The following PODXL2 variants were observed in gnomAD, a reference collection of about 807,000 sequenced individuals.
PODXL2 encodes podocalyxin like 2.
PODXL2 carries 17 observed loss-of-function variants against 53.4 expected under a neutral mutation model. The ratio of observed to expected loss-of-function variants is 0.32; its 90% CI spans 0.22 to 0.48. The LOEUF (loss-of-function observed/expected upper bound fraction) is 0.48. Ranked by LOEUF, PODXL2 falls within the 20% of genes least tolerant of loss-of-function variation. The pLI is 0.99. For synonymous variants in PODXL2, 311 were observed against 306.7 expected (o/e 1.01, Z -0.15); for missense variants, 673 against 760.0 (o/e 0.89, Z 1.35).
chr3:127,656,486 C>T lies in PODXL2; in HGVS notation c.350-3892C>T, dbSNP rs140410892. Among the ~76,000 whole-genome samples the T allele has an allele frequency of 3.0e-3, 450 of 151,064 alleles. 3 individuals are homozygous for T. The highest frequency in any genetic ancestry group is 0.01 in the African/African-American group (414 of 41,116). On this transcript the variant is annotated intron_variant, in intron 2 of 7. Transcript: ENST00000342480. ...GCGCGGTGGTTCACGCCTGTAATCCCAGCACTCTGGGAGGCTTTGGTGGGT... is the reference window on the plus strand; with the variant it reads ...GCGCGGTGGTTCACGCCTGTAATCCTAGCACTCTGGGAGGCTTTGGTGGGT...
chr3:127,664,440 T>G (rs2107544296), intron 4 of PODXL2, among the ~76,000 whole-genome samples: 1 of 152,314 alleles, frequency 6.6e-6, no homozygotes, highest in Middle Eastern at 3.4e-3. Context: ...TTTTGGCTAT[T>G]GTGAATAGTG....
rs747976795 is a variant in PODXL2 at position 127,671,593 on chromosome 3, C to A, written c.1585C>A (p.Leu529Met). The A allele has an allele frequency of 6.2e-7, 1 of 1,613,682 alleles. No homozygotes were observed. Among genetic ancestry groups the A allele is most frequent in the Admixed American group, 1.7e-5 (1 of 60,034 alleles). ...GLLYNCWQRR[L>M]PKLKHVSHGE... ...GCTCTACAACTGCTGGCAGCGCCGG[C>A]TGCCCAAGCTCAAGCACGTGGTGAG... The change falls in exon 7 of 8, where the codon CTG becomes ATG. Residue 529 changes from leucine (L) to methionine (M), a missense_variant. By Grantham distance (15) the Leu-to-Met change is conservative (BLOSUM62 2). Around this residue, in one of 3 missense-constraint regions of PODXL2, gnomAD observed 588 missense variants for 668.3 expected, o/e 0.88. Transcript: ENST00000342480.
intron 1 of PODXL2, among the ~76,000 whole-genome samples, chr3:127,635,078 CT>C (rs1489041949): frequency 1.6e-4 from 25 of 152,344 alleles, no homozygotes; most frequent in Non-Finnish European, 2.5e-4. Flanking sequence ...ATGTGCCCCC[CT>C]GAGTGGCATG....
In PODXL2 at chr3:127,660,509, A is replaced by G. The variant is rs754101696; in HGVS notation, c.481A>G (p.Arg161Gly). 1 of 1,613,794 alleles carries G rather than the reference A, an allele frequency of 6.2e-7. No individual in the cohort carries two copies. The highest frequency in any genetic ancestry group is 1.7e-5 in the Admixed American group (1 of 60,004). ...TGAGCCTCCCTGGCATATGCCTCCC[A>G]GAGAGGAGGAAGAAGAGGAAGAGGA... ...LVEPPWHMPP[R>G]EEEEEEEEEE... Residue 161 changes from arginine (R) to glycine (G), a missense_variant, in exon 3 of 8, where the codon AGA becomes GGA. Around this residue, in one of 3 missense-constraint regions of PODXL2, gnomAD observed 588 missense variants for 668.3 expected, o/e 0.88. Coordinates refer to ENST00000342480, the MANE Select transcript of PODXL2 (RefSeq NM_015720.4).
chr3:127,649,092 C>T (rs565270565), intron 2 of PODXL2, among the ~76,000 whole-genome samples: 1 of 151,732 alleles, frequency 6.6e-6, no homozygotes, highest in South Asian at 2.1e-4. Flanking sequence ...GCACCCAGCT[C>T]TTTCCAGACT....
chr3:127,654,834 C>T (rs1576431731), intron 2 of PODXL2, among the ~76,000 whole-genome samples: 1 of 152,298 alleles, frequency 6.6e-6, no homozygotes, highest in Admixed American at 6.5e-5. Context: ...CGCCTATAAT[C>T]CCAGCACTTT....
Position 127,669,126 on chromosome 3 carries a change from T to G in PODXL2, c.1364-15T>G. The G allele has an allele frequency of 6.3e-7, 1 of 1,590,492 alleles. No homozygotes were observed. The highest frequency in any genetic ancestry group is 8.6e-7 in the Non-Finnish European group (1 of 1,166,442). ...AGCCATGGTCACACTGATAGTGGTG[T>G]TTCTTACCCCCCAGGGGTGGTGCCC... On this transcript the variant is annotated splice_polypyrimidine_tract_variant and intron_variant, in intron 5 of 7. Coordinates refer to ENST00000342480, the MANE Select transcript of PODXL2 (RefSeq NM_015720.4).
intron 2 of PODXL2, among the ~76,000 whole-genome samples, chr3:127,648,901 T>C (rs1576429863): frequency 6.7e-6 from 1 of 148,920 alleles, no homozygotes; most frequent in Non-Finnish European, 1.5e-5. Context: ...CAAGCAATTC[T>C]CCTGCCTCAG....
intron 2 of PODXL2, among the ~76,000 whole-genome samples, chr3:127,642,688 T>G (rs940172042): frequency 1.3e-5 from 2 of 152,336 alleles, no homozygotes; most frequent in Admixed American, 6.5e-5. Flanking sequence ...AACTCATATA[T>G]GTACAAAACA....
intron 2 of PODXL2, among the ~76,000 whole-genome samples, chr3:127,649,769 T>C (rs1231530452): frequency 6.6e-6 from 1 of 152,176 alleles, no homozygotes; most frequent in Non-Finnish European, 1.5e-5. Flanking sequence ...AAACCCCGTC[T>C]CTACTAAAAA....
intron 4 of PODXL2, among the ~76,000 whole-genome samples, chr3:127,667,014 G>A (rs1332511143): frequency 6.6e-6 from 1 of 152,236 alleles, no homozygotes; most frequent in Non-Finnish European, 1.5e-5. Flanking sequence ...GGGCGGGCAT[G>A]CACTCCTTCT....
At position 127,660,976 on chromosome 3, in the gene PODXL2, T is replaced by C; in HGVS notation, c.948T>C (p.Ser316=). The part of the protein sequence containing the change: ...LPSFPQTTAP[S]GAEHPDEDPL... ...CATTCCCTCAAACCACAGCTCCCAG[T>C]GGGGCCGAGCACCCAGATGAAGATC... Residue 316 remains serine (S), a synonymous_variant, in exon 3 of 8, where the codon AGT becomes AGC. Transcript: ENST00000342480. 1.9e-6 allele frequency: 3 copies of C among 1,614,194 alleles called. No homozygotes were observed. In the African/African-American group the frequency reaches 4.0e-5, roughly 22 times the overall value.
chr3:127,672,534 C>A lies in PODXL2; in HGVS notation c.*54C>A. The A allele has an allele frequency of 8.3e-7, 1 of 1,202,074 alleles. No homozygotes were observed. The highest frequency in any genetic ancestry group is 1.1e-6 in the Non-Finnish European group (1 of 897,380). The allele number at this position is 1,202,074 out of a possible 1,614,324, so 74.5% of individuals were successfully genotyped here. A position where few individuals can be genotyped will look rare whatever the true frequency, so the allele number is the denominator to read the frequency against. On this transcript the variant is annotated 3_prime_UTR_variant, in exon 8 of 8. Coordinates refer to ENST00000342480, the MANE Select transcript of PODXL2 (RefSeq NM_015720.4). ...CGCCAGGACCAAGCGAGGTGGACCC[C>A]GAAACGGACGGCCCGGAGCCCGCAC...
In PODXL2 at chr3:127,660,891, A is replaced by G. The variant is rs1176619468; in HGVS notation, c.863A>G (p.Glu288Gly). The G allele has an allele frequency of 6.2e-7, 1 of 1,614,116 alleles. No homozygotes were observed. Among genetic ancestry groups the G allele is most frequent in the African/African-American group, 1.3e-5 (1 of 74,940 alleles). The change falls in exon 3 of 8, where the codon GAA becomes GGA. Residue 288 changes from glutamate (E) to glycine (G), a missense_variant. Glu to Gly is a moderately conservative substitution (Grantham distance 98). Around this residue, in one of 3 missense-constraint regions of PODXL2, gnomAD observed 588 missense variants for 668.3 expected, o/e 0.88. Transcript: ENST00000342480. ...GAGGCTCCTCAGGAAGCAAGCGAGGAAGCCACTGCAGGAGCAGCTGGTTTG... is the reference window on the plus strand; with the variant it reads ...GAGGCTCCTCAGGAAGCAAGCGAGGGAGCCACTGCAGGAGCAGCTGGTTTG... ...EFEAPQEASE[E>G]ATAGAAGLSG...
intron 1 of PODXL2, among the ~76,000 whole-genome samples, chr3:127,632,878 T>C (rs900648670): frequency 6.6e-6 from 1 of 152,232 alleles, no homozygotes; most frequent in Non-Finnish European, 1.5e-5. Flanking sequence ...GAGAGTCTAA[T>C]AGAAATTTTA....
chr3:127,656,369 C>T (rs998998843), intron 2 of PODXL2, among the ~76,000 whole-genome samples: 22 of 152,142 alleles, frequency 1.4e-4, no homozygotes, highest in African/African-American at 4.3e-4. Context: ...GCAGGAGGAT[C>T]GCTTGAGCCC....
At chr3:127,643,801 G>T (rs564321985) in intron 2 of PODXL2, among the ~76,000 whole-genome samples, 45 of 151,726 alleles carry the variant, frequency 3.0e-4, no homozygotes, top group African/African-American at 1.1e-3. Context: ...ACCACGCCTG[G>T]TTAATTTTTC....
chr3:127,644,514 C>T (rs575626285), intron 2 of PODXL2, among the ~76,000 whole-genome samples: 1 of 152,226 alleles, frequency 6.6e-6, no homozygotes, highest in Non-Finnish European at 1.5e-5. Context: ...GGTAAGCAGT[C>T]ACGCAGAGAG....
intron 4 of PODXL2, 73 bp from the exon 5 acceptor site, chr3:127,668,368 G>A (rs2074808649): frequency 1.5e-6 from 2 of 1,336,990 alleles, no homozygotes; most frequent in African/African-American, 1.5e-5. Context: ...GTACGGGGCT[G>A]GGCCTAGAGG....
Sources: gnomAD v4.1 joint callset for allele counts (sites outside exome capture counted in the v4.1 genomes callset) on GRCh38, gnomAD v4.1.1 for gene constraint, gnomAD v4.1.1 regional missense constraint, MANE v1.5 for transcripts, NCBI Gene and HGNC (gene_info 2026-07-23, HGNC 2026-07-21) for gene names.